The following CHEK1 variants were observed in gnomAD, a reference collection of about 807,000 sequenced individuals.
CHEK1 encodes serine/threonine-protein kinase Chk1.
In CHEK1, 32 loss-of-function variants were observed where a neutral mutation model predicts 60.2. That is an observed-to-expected ratio of 0.53 (90% CI 0.40 to 0.71). The LOEUF is 0.71. CHEK1 is among the 30% of genes least tolerant of loss of function. The pLI, the probability that CHEK1 is intolerant of heterozygous loss-of-function variation, is 0.00. For missense variants in CHEK1, 399 were observed against 564.6 expected, an observed-to-expected ratio of 0.71 and a Z score of 2.97; for synonymous variants, 179 against 187.2, an observed-to-expected ratio of 0.96 and a Z score of 0.36.
rs1218637955 is a variant in CHEK1, at chr11:125,653,322, C to G, written c.1234-424C>G. 6.6e-6 allele frequency among the ~76,000 whole-genome samples: 1 copy of G among 152,186 alleles called. No individual in the cohort carries two copies. Among genetic ancestry groups the G allele is most frequent in the African/African-American group, 2.4e-5 (1 of 41,440 alleles). ...TTCAACCTCCTGGGCTCAAGTGACC[C>G]TTCTGCCTCAGCCCCCTGAGTAGCT... On this transcript the variant is annotated intron_variant, in intron 11 of 12. Coordinates refer to ENST00000438015, the MANE Select transcript of CHEK1 (RefSeq NM_001114122.3). The surrounding 1 kb of genome is among the most constrained non-coding windows in gnomAD (Gnocchi z 4.3).
downstream of CHEK1, among the ~76,000 whole-genome samples, chr11:125,659,717 A>G (rs1941978585): frequency 6.6e-6 from 1 of 152,224 alleles, no homozygotes. Context: ...ATAGCTTAAA[A>G]TTCACTTTTT....
chr11:125,679,557 A>G (rs1469438746), downstream of CHEK1, among the ~76,000 whole-genome samples: 1 of 152,194 alleles, frequency 6.6e-6, no homozygotes, highest in Non-Finnish European at 1.5e-5. Flanking sequence ...ATATTCCTTA[A>G]GTATATTTTA....
Position 125,656,460 on chromosome 11 carries a change from T to C in CHEK1, c.*1140T>C, listed in dbSNP as rs1565384313. ...TTAGAGTTTATCACATATTAATGTA[T>C]ACTGGCAAATTGTGTTACTGGAGTA... On this transcript the variant is annotated 3_prime_UTR_variant, in exon 13 of 13. Coordinates refer to ENST00000438015, the MANE Select transcript of CHEK1 (RefSeq NM_001114122.3). 1 of 214,080 alleles carries C rather than the reference T, an allele frequency of 4.7e-6. No homozygotes were observed. Among genetic ancestry groups the C allele is most frequent in the Non-Finnish European group, 9.4e-6 (1 of 106,164 alleles). The allele number at this position is 214,080 out of a possible 1,614,324, so 13.3% of individuals were successfully genotyped here.
intron 13 of CHEK1, among the ~76,000 whole-genome samples, chr11:125,666,157 A>G (rs1307567765): frequency 1.4e-5 from 2 of 147,740 alleles, no homozygotes; most frequent in African/African-American, 2.5e-5. Flanking sequence ...TTTTAGCACT[A>G]TTTTTGCTGG....
Position 125,637,422 on chromosome 11 carries a change from GAATGTTGTCGT to G in CHEK1, c.719-20_719-10del. The G allele has an allele frequency of 6.4e-7, 1 of 1,573,310 alleles. No homozygotes were observed. Among genetic ancestry groups the G allele is most frequent in the Non-Finnish European group, 8.7e-7 (1 of 1,155,484 alleles). ...GGCTTCTCTAACATGATTCTTTCGT[GAATGTTGTCGT>G]AATGTTTGTTTTTAGCTCTGCTGCA... On this transcript the variant is annotated splice_polypyrimidine_tract_variant and intron_variant, in intron 7 of 12. Coordinates refer to ENST00000438015, the MANE Select transcript of CHEK1 (RefSeq NM_001114122.3).
chr11:125,649,898 A>C (rs1210700505), intron 11 of CHEK1: 1 of 152,204 alleles, frequency 6.6e-6, no homozygotes, highest in African/African-American at 2.4e-5. Context: ...TTATGCCACT[A>C]CTGCCTTCTA....
chr11:125,652,024 T>G (rs1941755476), intron 11 of CHEK1, among the ~76,000 whole-genome samples: 1 of 152,252 alleles, frequency 6.6e-6, no homozygotes. Context: ...GTTGAATATC[T>G]TGTATTAATT....
chr11:125,673,212 C>CT (rs11434532), intron 13 of CHEK1, among the ~76,000 whole-genome samples: 69,621 of 126,628 alleles, frequency 0.55, 17,046 homozygotes, highest in South Asian at 0.64. Context: ...CTTTTCTTTT[C>CT]TTTTTTTTTT....
chr11:125,653,727 C>T lies in CHEK1; in HGVS notation c.1234-19C>T, dbSNP rs1241729110. ...TATCTACTCACCCATGTGGCTTAAC[C>T]TTATTTTTGTTGCCTTAGGTTACTA... is the stretch of plus-strand genomic sequence containing the variant. On this transcript the variant is annotated intron_variant, in intron 11 of 12. Transcript: ENST00000438015. The surrounding 1 kb of genome is among the most constrained non-coding windows in gnomAD (Gnocchi z 4.3). 3.0e-6 allele frequency: 4 copies of T among 1,345,988 alleles called. No homozygotes were observed. The highest frequency in any genetic ancestry group is 2.9e-5 in the African/African-American group (2 of 68,524). The allele number at this position is 1,345,988 out of a possible 1,614,324, so 83.4% of individuals were successfully genotyped here.
intron 10 of CHEK1, 69 bp downstream of exon 10, chr11:125,644,337 A>G (rs1386614216): frequency 6.7e-7 from 1 of 1,501,764 alleles, no homozygotes; most frequent in African/African-American, 1.4e-5. Flanking sequence ...GTCCTTTTTT[A>G]ATGTGTAAAT....
chr11:125,674,319 T>C (rs1942375697), intron 13 of CHEK1, among the ~76,000 whole-genome samples: 1 of 152,192 alleles, frequency 6.6e-6, no homozygotes, highest in South Asian at 2.1e-4. Flanking sequence ...GGTATTTTGA[T>C]TAAGGGGGGC....
intron 6 of CHEK1, among the ~76,000 whole-genome samples, chr11:125,634,022 G>C (rs903177133): frequency 6.6e-5 from 7 of 105,390 alleles, no homozygotes; most frequent in African/African-American, 2.1e-4. Flanking sequence ...TTTTAGACCA[G>C]AGTCTTGCTC....
At chr11:125,671,073 A>G (rs1481083695) in intron 13 of CHEK1, among the ~76,000 whole-genome samples, 3 of 151,926 alleles carry the variant, frequency 2.0e-5, no homozygotes, top group Non-Finnish European at 4.4e-5. Context: ...TACCCAGTTA[A>G]TTTTTTAACT....
chr11:125,626,876 C>A, intron 2 of CHEK1, 43 bp downstream of exon 2: 2 of 1,594,220 alleles, frequency 1.3e-6, no homozygotes, highest in Middle Eastern at 1.7e-4. Flanking sequence ...AGTGCATATT[C>A]ATTGTTTTGG....
chr11:125,637,342 TA>T (rs1941109836), intron 7 of CHEK1, 106 bp from the exon 8 acceptor site: 2 of 708,810 alleles, frequency 2.8e-6, no homozygotes, highest in Admixed American at 6.9e-5. Context: ...TCCCCAGGAA[TA>T]ATATTTAGAC....
chr11:125,654,993 A>C, intron 12 of CHEK1, among the ~76,000 whole-genome samples: 1 of 152,160 alleles, frequency 6.6e-6, no homozygotes, highest in East Asian at 1.9e-4. Context: ...CTGCTCTCTG[A>C]GCTCAGTGCA....
At position 125,656,215 on chromosome 11, in the gene CHEK1, T is replaced by A. The variant is rs903447742; in HGVS notation, c.*895T>A. The A allele has an allele frequency of 9.4e-6, 2 of 213,420 alleles. No individual in the cohort carries two copies. The highest frequency in any genetic ancestry group is 1.9e-5 in the Non-Finnish European group (2 of 105,624). 13.2% of individuals were successfully genotyped at this position (213,420 alleles called of 1,614,324 possible). ...CTTTGGGGCATATTAGGTTGAGGCC[T>A]TGGCTCCTGCCTGTAGTCCCAGCTA... On this transcript the variant is annotated 3_prime_UTR_variant, in exon 13 of 13. Transcript: ENST00000438015.
At chr11:125,643,676 G>A (rs1941388158) in intron 8 of CHEK1, 116 bp from the exon 9 acceptor site, 4 of 697,204 alleles carry the variant, frequency 5.7e-6, no homozygotes, top group South Asian at 4.5e-5. Context: ...CAAAAATTTT[G>A]TGTTAAATAA....
At chr11:125,640,222 A>G (rs1202379559) in intron 8 of CHEK1, among the ~76,000 whole-genome samples, 1 of 152,236 alleles carries the variant, frequency 6.6e-6, no homozygotes, top group African/African-American at 2.4e-5. Context: ...TTAAATGGAA[A>G]GTACCAGAAG....
Sources: gnomAD v4.1 joint callset for allele counts (sites outside exome capture counted in the v4.1 genomes callset) on GRCh38, gnomAD v4.1.1 for gene constraint, Gnocchi (gnomAD v3.1) non-coding constraint, MANE v1.5 for transcripts, NCBI Gene and HGNC (gene_info 2026-07-23, HGNC 2026-07-21) for gene names.